MCTP1: variants seen among roughly 807,000 people sequenced by gnomAD.
The protein encoded by MCTP1 is multiple C2 and transmembrane domain-containing protein 1.
A neutral mutation model predicts 120.6 loss-of-function variants in MCTP1; 69 were observed. The observed-to-expected ratio is 0.57, with a 90% CI of 0.47 to 0.70. The LOEUF (loss-of-function observed/expected upper bound fraction) is 0.70, where lower values mean the gene tolerates loss of function less well. Among genes scored for constraint, MCTP1 ranks in the 30% least tolerant of loss-of-function variants. The pLI is 0.00. For missense variants in MCTP1, 1,203 were observed against 1,248.8 expected, an observed-to-expected ratio of 0.96 and a Z score of 0.55; for synonymous variants, 529 against 493.1, an observed-to-expected ratio of 1.07 and a Z score of -0.96.
intron 18 of MCTP1, among the ~76,000 whole-genome samples, chr5:94,796,868 T>A (rs975499401): frequency 1.3e-5 from 2 of 151,594 alleles, no homozygotes; most frequent in African/African-American, 4.8e-5. Context: ...AAGAACAGAA[T>A]ATGTGGATCT....
At chr5:95,272,324 T>C (rs1455893435) in intron 1 of MCTP1, among the ~76,000 whole-genome samples, 3 of 152,286 alleles carry the variant, frequency 2.0e-5, no homozygotes, top group East Asian at 1.9e-4. Flanking sequence ...CTGCTCACTT[T>C]CCAAGCAAAG....
At chr5:94,932,818 A>G (rs1401936060) in intron 5 of MCTP1, among the ~76,000 whole-genome samples, 1 of 152,030 alleles carries the variant, frequency 6.6e-6, no homozygotes, top group African/African-American at 2.4e-5. Context: ...AGGGCAAGGA[A>G]TATAGCTTAA....
At chr5:94,999,916 C>G (rs1833340691) in intron 2 of MCTP1, among the ~76,000 whole-genome samples, 1 of 152,140 alleles carries the variant, frequency 6.6e-6, no homozygotes, top group Admixed American at 6.6e-5. Flanking sequence ...ACCCTTTGCT[C>G]TGATTCAGAA....
At chr5:94,714,256 CAG>C (rs1193109842) in intron 20 of MCTP1, among the ~76,000 whole-genome samples, 114 of 152,080 alleles carry the variant, frequency 7.5e-4, no homozygotes, top group African/African-American at 2.6e-3. Flanking sequence ...TTCTAAATGA[CAG>C]AGCATTAGTT....
chr5:95,103,992 C>G (rs1756925237), intron 1 of MCTP1, among the ~76,000 whole-genome samples: 1 of 152,148 alleles, frequency 6.6e-6, no homozygotes. Flanking sequence ...CAGTTTCTCT[C>G]TCTTACGCAT....
chr5:94,953,107 G>C, intron 3 of MCTP1, 112 bp downstream of exon 3: 1 of 957,584 alleles, frequency 1.0e-6, no homozygotes, highest in Non-Finnish European at 1.5e-6. Context: ...GTGGCGAAGA[G>C]CAGAACACAT....
chr5:94,953,923 A>T lies in MCTP1; in HGVS notation c.839-562T>A, dbSNP rs557750832. On this transcript the variant is annotated intron_variant, in intron 2 of 22. Coordinates refer to ENST00000515393, the MANE Select transcript of MCTP1 (RefSeq NM_024717.7). The stretch of plus-strand genomic sequence containing the variant: ...TATATATGCATATATATACAAATAT[A>T]ATATATGCATATATATACAAATATA... 1.2e-3 allele frequency among the ~76,000 whole-genome samples: 35 copies of T among 29,056 alleles called. 4 individuals are homozygous for T. Among genetic ancestry groups the T allele is most frequent in the African/African-American group, 5.8e-3 (32 of 5,518 alleles). The allele number at this position is 29,056 out of a possible 152,430, so 19.1% of individuals were successfully genotyped here. A position where few individuals can be genotyped will look rare whatever the true frequency, so the allele number is the denominator to read the frequency against.
intron 2 of MCTP1, among the ~76,000 whole-genome samples, chr5:94,987,355 T>C (rs1830605915): frequency 6.6e-6 from 1 of 152,162 alleles, no homozygotes; most frequent in South Asian, 2.1e-4. Flanking sequence ...GGGTGCTTCC[T>C]AGAATCACCA....
At chr5:95,159,420 T>C (rs1745474900) in intron 1 of MCTP1, among the ~76,000 whole-genome samples, 1 of 152,212 alleles carries the variant, frequency 6.6e-6, no homozygotes, top group African/African-American at 2.4e-5. Flanking sequence ...GTGTGCCAAG[T>C]ATATCAGTTA....
chr5:95,020,964 AT>A (rs1838097259), intron 1 of MCTP1, among the ~76,000 whole-genome samples: 1 of 152,126 alleles, frequency 6.6e-6, no homozygotes, highest in East Asian at 1.9e-4. Flanking sequence ...TTAAATTCTA[AT>A]ATTTGTTAGA....
intron 10 of MCTP1, among the ~76,000 whole-genome samples, chr5:94,900,018 C>T (rs538984820): frequency 3.8e-4 from 58 of 152,284 alleles, no homozygotes; most frequent in Admixed American, 1.8e-3. Flanking sequence ...TTGACCATGT[C>T]CCTCCCTGGC....
At chr5:94,811,912 C>T (rs1231521847) in intron 17 of MCTP1, among the ~76,000 whole-genome samples, 3 of 151,992 alleles carry the variant, frequency 2.0e-5, no homozygotes, top group Admixed American at 1.3e-4. Flanking sequence ...ATGGAGATGC[C>T]GAGATGTATT....
chr5:95,086,611 T>C (rs188001863), intron 1 of MCTP1, among the ~76,000 whole-genome samples: 25 of 152,336 alleles, frequency 1.6e-4, no homozygotes, highest in African/African-American at 6.0e-4. Context: ...CAAGTCAATC[T>C]ATTTTCCCAA....
chr5:95,136,851 T>C (rs959004212), intron 1 of MCTP1, among the ~76,000 whole-genome samples: 6 of 152,200 alleles, frequency 3.9e-5, no homozygotes, highest in Non-Finnish European at 5.9e-5. Context: ...CTGCCTCACA[T>C]TGATCTGCCT....
chr5:94,791,823 C>T (rs956848598), intron 18 of MCTP1: 1 of 152,390 alleles, frequency 6.6e-6, no homozygotes, highest in African/African-American at 2.4e-5. Flanking sequence ...TGGTCCTCCT[C>T]TCCAGACCCA....
intron 1 of MCTP1, among the ~76,000 whole-genome samples, chr5:95,144,809 C>G: frequency 6.6e-6 from 1 of 152,010 alleles, no homozygotes; most frequent in East Asian, 1.9e-4. Flanking sequence ...GTTACTATAG[C>G]CTTGTAGTAT....
intron 1 of MCTP1, among the ~76,000 whole-genome samples, chr5:95,054,156 G>C (rs183415615): frequency 6.6e-6 from 1 of 152,094 alleles, no homozygotes; most frequent in Non-Finnish European, 1.5e-5. Flanking sequence ...ATATGCCCAA[G>C]GAATACAACA....
intron 3 of MCTP1, among the ~76,000 whole-genome samples, chr5:94,947,575 TATAGAGAGAGAGAGAGAG>T (rs1461958588): frequency 2.3e-4 from 11 of 47,410 alleles, no homozygotes; most frequent in South Asian, 2.2e-3. Context: ...TATATATATA[TATAGAGAGAGAGAGAGAG>T]AGAGAGAGAG....
chr5:95,151,658 T>C (rs1479123956), intron 1 of MCTP1, among the ~76,000 whole-genome samples: 1 of 152,230 alleles, frequency 6.6e-6, no homozygotes, highest in African/African-American at 2.4e-5. Flanking sequence ...CAATGCTGTA[T>C]CTGCATTTCA....
Sources: gnomAD v4.1 joint callset for allele counts (sites outside exome capture counted in the v4.1 genomes callset) on GRCh38, gnomAD v4.1.1 for gene constraint, MANE v1.5 for transcripts, NCBI Gene and HGNC (gene_info 2026-07-23, HGNC 2026-07-21) for gene names.